Variants in PKMYT1 observed in about 807,000 individuals in gnomAD.
PKMYT1 encodes the protein membrane-associated tyrosine- and threonine-specific cdc2-inhibitory kinase.
In PKMYT1, 35 loss-of-function variants were observed where a neutral mutation model predicts 49.7. That is an observed-to-expected ratio of 0.70 (90% CI 0.54 to 0.93). PKMYT1 has a LOEUF of 0.93. Among genes scored for constraint, PKMYT1 ranks in the 40% least tolerant of loss-of-function variants. The probability of loss-of-function intolerance (pLI) is 0.00; values close to 1 mark genes in which losing one functional copy is unlikely to be tolerated. For missense variants in PKMYT1, 677 were observed against 673.1 expected, an observed-to-expected ratio of 1.01 and a Z score of -0.06; for synonymous variants, 331 against 287.6, an observed-to-expected ratio of 1.15 and a Z score of -1.53.
In PKMYT1 at chr16:2,976,853, G is replaced by A. The variant is rs1365047783; in HGVS notation, c.189C>T (p.Ile63=). The A allele has an allele frequency of 2.6e-6, 4 of 1,539,812 alleles. No homozygotes were observed. Among genetic ancestry groups the A allele is most frequent in the African/African-American group, 1.4e-5 (1 of 72,838 alleles). ...GGGTCCGAGGAGGGAAGAGGCGGCTGATGGGAATGCTGCCCTTGGCAGGGG... is the reference window on the plus strand; with the variant it reads ...GGGTCCGAGGAGGGAAGAGGCGGCTAATGGGAATGCTGCCCTTGGCAGGGG... ...PPPPAKGSIP[I]SRLFPPRTPG... The change falls in exon 3 of 9, where the codon ATC becomes ATT. Residue 63 remains isoleucine (I), a synonymous_variant. Coordinates refer to ENST00000262300, the MANE Select transcript of PKMYT1 (RefSeq NM_004203.5).
chr16:2,973,737 C>G lies in PKMYT1; in HGVS notation c.1310+263G>C, dbSNP rs774768786. ...TTTTATCCCTGGGCACTGGCAGCCT[C>G]CACTGGGGTCGGGGCTGCGCGGCCA... On this transcript the variant is annotated intron_variant, in intron 7 of 8. Coordinates refer to ENST00000262300, the MANE Select transcript of PKMYT1 (RefSeq NM_004203.5). The G allele has an allele frequency of 1.4e-3, 809 of 567,324 alleles. 1 individual carries two copies. Among genetic ancestry groups the G allele is most frequent in the Non-Finnish European group, 1.9e-3 (619 of 317,792 alleles). 35.1% of individuals were successfully genotyped at this position (567,324 alleles called of 1,614,324 possible).
Position 2,972,890 on chromosome 16 carries a change from T to A in PKMYT1, c.*63A>T, listed in dbSNP as rs1043489594. 1 of 1,547,530 alleles carries A rather than the reference T, an allele frequency of 6.5e-7. No individual in the cohort carries two copies. Among genetic ancestry groups the A allele is most frequent in the Non-Finnish European group, 8.8e-7 (1 of 1,141,396 alleles). Reference sequence around the variant, plus strand: ...ATGGGAGTTCCCGAGGGGCCCCAGCTTTCAAGGGCGACGGGAGAGACACAG... The same window carrying A: ...ATGGGAGTTCCCGAGGGGCCCCAGCATTCAAGGGCGACGGGAGAGACACAG... On this transcript the variant is annotated 3_prime_UTR_variant, in exon 9 of 9. Transcript: ENST00000262300.
In PKMYT1 at chr16:2,974,303, C is replaced by G; in HGVS notation, c.1094G>C (p.Trp365Ser). Residue 365 changes from tryptophan to serine, a missense_variant, in exon 6 of 9, where the codon TGG becomes TCG. By Grantham distance (177) the Trp-to-Ser change is radical. Coordinates refer to ENST00000262300, the MANE Select transcript of PKMYT1 (RefSeq NM_004203.5). ...CGCTGCCATGCACCACAGCACACCC[C>G]AGGCCCGCGGCTGCCTCAACACAGG... is the stretch of plus-strand genomic sequence containing the variant. The part of the protein sequence containing the change: ...ALPVLRQPRA[W>S]GVLWCMAAEA... The G allele has an allele frequency of 6.3e-7, 1 of 1,591,438 alleles. No individual in the cohort carries two copies. The highest frequency in any genetic ancestry group is 1.1e-5 in the South Asian group (1 of 88,348).
Position 2,979,495 on chromosome 16 carries a change from G to A in PKMYT1, c.10+153C>T. The A allele has an allele frequency of 4.5e-6, 3 of 672,746 alleles. No individual in the cohort carries two copies. In the Admixed American group the frequency reaches 6.4e-5, roughly 14 times the overall value. The allele number at this position is 672,746 out of a possible 1,614,324, so 41.7% of individuals were successfully genotyped here. A position where few individuals can be genotyped will look rare whatever the true frequency, so the allele number is the denominator to read the frequency against. On this transcript the variant is annotated intron_variant, in intron 2 of 8. Coordinates refer to ENST00000262300, the MANE Select transcript of PKMYT1 (RefSeq NM_004203.5). ...TGACTCTAACTACCTCAGAGTCCCA[G>A]CCCAGGGTTTCTCCAAGTCAGGAGC...
intron 2 of PKMYT1, chr16:2,979,351 A>G (rs766402905): frequency 4.4e-5 from 14 of 319,928 alleles, no homozygotes; most frequent in Non-Finnish European, 6.9e-5. Context: ...TATACATAAT[A>G]GTAAATAAAA....
chr16:2,979,986 G>A (rs1179236571), intron 1 of PKMYT1, 74 bp from the exon 2 acceptor site: 2 of 400,888 alleles, frequency 5.0e-6, no homozygotes, highest in South Asian at 5.9e-5. Context: ...GCTGTCCCGG[G>A]GCAGGGGCTG....
intron 7 of PKMYT1, 167 bp from the exon 8 acceptor site, chr16:2,973,382 C>T: frequency 1.3e-6 from 2 of 1,538,522 alleles, no homozygotes; most frequent in South Asian, 1.2e-5. Context: ...ACTTGGACAG[C>T]CTTCAAAGTC....
chr16:2,975,954 C>T (rs2072179593), intron 3 of PKMYT1, 142 bp from the exon 4 acceptor site: 3 of 869,636 alleles, frequency 3.4e-6, no homozygotes, highest in South Asian at 3.5e-5. Flanking sequence ...CAGACCCCTG[C>T]CCAGGGTAAT....
intron 7 of PKMYT1, chr16:2,973,491 C>T: frequency 1.4e-6 from 2 of 1,451,290 alleles, no homozygotes; most frequent in Non-Finnish European, 1.8e-6. Context: ...GTAAGCCTTT[C>T]TGGAACTTCT....
chr16:2,973,845 G>C, intron 7 of PKMYT1, 155 bp downstream of exon 7: 1 of 837,332 alleles, frequency 1.2e-6, no homozygotes, highest in Non-Finnish European at 1.9e-6. Flanking sequence ...ATTAAGCCTG[G>C]CCAGGCCACA....
At chr16:2,974,439 A>T in intron 5 of PKMYT1, 22 bp from the exon 6 acceptor site, 1 of 1,596,680 alleles carries the variant, frequency 6.3e-7, no homozygotes, top group South Asian at 1.1e-5. Flanking sequence ...GAAGGGCCAC[A>T]TCGGGGTCCC....
rs4149805 is a variant in PKMYT1 at position 2,972,877 on chromosome 16, G to A, written c.*76C>T. 9.2e-5 allele frequency: 141 copies of A among 1,540,152 alleles called. No individual in the cohort carries two copies. The African/African-American group carries it at 1.4e-3, about 15-fold the overall frequency. The stretch of plus-strand genomic sequence containing the variant: ...GGCAGAGAAGACCATGGGAGTTCCC[G>A]AGGGGCCCCAGCTTTCAAGGGCGAC... On this transcript the variant is annotated 3_prime_UTR_variant, in exon 9 of 9. Transcript: ENST00000262300.
intron 7 of PKMYT1, 136 bp downstream of exon 7, chr16:2,973,864 G>T: frequency 1.0e-6 from 1 of 993,758 alleles, no homozygotes; most frequent in Non-Finnish European, 1.5e-6. Flanking sequence ...CACACCCCCA[G>T]TCTTGGTCCC....
At chr16:2,976,565 G>T in intron 3 of PKMYT1, 99 bp downstream of exon 3, 1 of 1,227,318 alleles carries the variant, frequency 8.1e-7, no homozygotes, top group Non-Finnish European at 1.1e-6. Context: ...GTAGGGAACG[G>T]AAGGGGATCA....
rs966459266 is a variant in PKMYT1 at position 2,979,541 on chromosome 16, G to T, written c.10+107C>A. On this transcript the variant is annotated intron_variant, in intron 2 of 8. Transcript: ENST00000262300. Reference sequence around the variant, plus strand: ...GGAGCCAGGGTGTTGGGATCCTGGAGGTCACTGGTCACAAGCACAGCCTCC... The same window carrying T: ...GGAGCCAGGGTGTTGGGATCCTGGATGTCACTGGTCACAAGCACAGCCTCC... 9.1e-6 allele frequency: 8 copies of T among 876,430 alleles called. No individual in the cohort carries two copies. In the Admixed American group the frequency reaches 1.2e-4, roughly 13 times the overall value. 54.3% of individuals were successfully genotyped at this position (876,430 alleles called of 1,614,324 possible).
chr16:2,979,525 G>C, intron 2 of PKMYT1, 123 bp downstream of exon 2: 1 of 784,760 alleles, frequency 1.3e-6, no homozygotes, highest in Non-Finnish European at 2.3e-6. Flanking sequence ...AGGAGCCAGG[G>C]TGTTGGGATC....
In PKMYT1 at chr16:2,976,756, C is replaced by G; in HGVS notation, c.286G>C (p.Gly96Arg). The G allele has an allele frequency of 6.4e-7, 1 of 1,556,414 alleles. No individual in the cohort carries two copies. Among genetic ancestry groups the G allele is most frequent in the Non-Finnish European group, 8.7e-7 (1 of 1,148,076 alleles). The change falls in exon 3 of 9, where the codon GGG becomes CGG. Residue 96 changes from glycine to arginine, a missense_variant. Transcript: ENST00000262300. ...GEASETLQSP[G>R]YDPSRPESFF... ...GACTCTGGCCGGCTTGGGTCATACCCAGGGCTCTGCAGAGTCTCTGAGGCC... is the reference window on the plus strand; with the variant it reads ...GACTCTGGCCGGCTTGGGTCATACCGAGGGCTCTGCAGAGTCTCTGAGGCC...
chr16:2,973,741 T>G, intron 7 of PKMYT1: 1 of 570,258 alleles, frequency 1.8e-6, no homozygotes, highest in South Asian at 2.1e-5. Context: ...CAGCCTCCAC[T>G]GGGGTCGGGG....
chr16:2,977,586 A>G (rs930736888), intron 2 of PKMYT1: 12 of 758,312 alleles, frequency 1.6e-5, no homozygotes, highest in African/African-American at 1.9e-5. Context: ...CGATTATTCA[A>G]AAGCAAGCAC....
Sources: gnomAD v4.1 joint callset for allele counts on GRCh38, gnomAD v4.1.1 for gene constraint, MANE v1.5 for transcripts, NCBI Gene and HGNC (gene_info 2026-07-23, HGNC 2026-07-21) for gene names.